TEF: variants seen among roughly 807,000 people sequenced by gnomAD.
TEF encodes TEF transcription factor, PAR bZIP family member.
TEF carries 3 observed loss-of-function variants against 20.8 expected under a neutral mutation model. That is an observed-to-expected ratio of 0.14 (90% CI 0.07 to 0.37). The LOEUF is 0.37. Among genes scored for constraint, TEF ranks in the 10% least tolerant of loss-of-function variants. The pLI is 1.00. For missense variants in TEF, 296 were observed against 397.9 expected (o/e 0.74, Z 2.18); for synonymous variants, 180 against 171.1 (o/e 1.05, Z -0.41).
intron 1 of TEF, among the ~76,000 whole-genome samples, chr22:41,370,805 G>A (rs563311467): frequency 2.0e-5 from 3 of 152,148 alleles, no homozygotes; most frequent in Non-Finnish European, 4.4e-5. Context: ...CCCAGCCCGT[G>A]TAGACCTTGC....
In TEF at chr22:41,387,494, C is replaced by G. The variant is rs1282320927; in HGVS notation, c.301C>G (p.Leu101Val). 8.1e-6 allele frequency: 13 copies of G among 1,614,206 alleles called. No individual in the cohort carries two copies. Among genetic ancestry groups the G allele is most frequent in the Non-Finnish European group, 1.1e-5 (13 of 1,180,046 alleles). Residue 101 changes from leucine (L) to valine (V), a missense_variant, in exon 2 of 4, where the codon CTG (leucine) becomes GTG (valine). Around this residue, in one of 2 missense-constraint regions of TEF, gnomAD observed 194 missense variants for 317.8 expected, o/e 0.61. Transcript: ENST00000266304. ...GESFHLEYMD[L>V]DEFLLENGIP... ...ATCTTTCCACCTGGAGTACATGGACCTGGATGAGTTCCTGCTGGAGAATGG... is the reference window on the plus strand; with the variant it reads ...ATCTTTCCACCTGGAGTACATGGACGTGGATGAGTTCCTGCTGGAGAATGG...
chr22:41,371,609 C>T (rs974852957), intron 1 of TEF, among the ~76,000 whole-genome samples: 2 of 152,248 alleles, frequency 1.3e-5, no homozygotes, highest in African/African-American at 2.4e-5. Flanking sequence ...CCGTGAGATG[C>T]TGTGCTGGTT....
rs2037239438 is a variant in TEF at position 41,397,115 on chromosome 22, C to T, written c.*1155C>T. ...CGGAGGGTGTCAGCAGGGCAAGACA[C>T]CTAGTCTAGAGTCACCAAGGTCACA... On this transcript the variant is annotated 3_prime_UTR_variant, in exon 4 of 4. Coordinates refer to ENST00000266304, the MANE Select transcript of TEF (RefSeq NM_003216.4). 1 of 398,570 alleles carries T rather than the reference C, an allele frequency of 2.5e-6. No homozygotes were observed. Among genetic ancestry groups the T allele is most frequent in the Non-Finnish European group, 4.4e-6 (1 of 226,132 alleles). 24.7% of individuals were successfully genotyped at this position (398,570 alleles called of 1,614,324 possible).
intron 1 of TEF, 99 bp downstream of exon 1, chr22:41,382,300 A>C: frequency 1.1e-6 from 1 of 943,906 alleles, no homozygotes; most frequent in Non-Finnish European, 1.3e-6. Context: ...GTCAGGGAGC[A>C]GTGGTCCAGC....
upstream of TEF, among the ~76,000 whole-genome samples, chr22:41,381,705 G>A (rs1166246905): frequency 6.6e-6 from 1 of 152,016 alleles, no homozygotes. Flanking sequence ...GGGGACACAG[G>A]GGCGGCGGGG....
chr22:41,373,507 T>A (rs1262985296), intron 1 of TEF, among the ~76,000 whole-genome samples: 1 of 152,076 alleles, frequency 6.6e-6, no homozygotes, highest in East Asian at 1.9e-4. Context: ...TCTCACTCTG[T>A]CGCCCAGGCT....
At chr22:41,368,287 C>T (rs927205312) in intron 1 of TEF, among the ~76,000 whole-genome samples, 1 of 152,136 alleles carries the variant, frequency 6.6e-6, no homozygotes, top group African/African-American at 2.4e-5. Context: ...CTTCTGTTCC[C>T]AGAAGTCAGA....
rs1284209002 is a variant in TEF, at chr22:41,396,111, T to C, written c.*151T>C. On this transcript the variant is annotated 3_prime_UTR_variant, in exon 4 of 4. Coordinates refer to ENST00000266304, the MANE Select transcript of TEF (RefSeq NM_003216.4). ...AGGAGCGGCCACGTCTCAGCTTCAT[T>C]ATACCATGGCCTGCGCACGTGGCGA... 2.4e-6 allele frequency: 2 copies of C among 819,590 alleles called. No individual in the cohort carries two copies. Among genetic ancestry groups the C allele is most frequent in the Non-Finnish European group, 1.9e-6 (1 of 530,332 alleles). 50.8% of individuals were successfully genotyped at this position (819,590 alleles called of 1,614,324 possible). A position where few individuals can be genotyped will look rare whatever the true frequency, so the allele number is the denominator to read the frequency against.
chr22:41,388,778 G>C (rs1391816490), intron 2 of TEF, among the ~76,000 whole-genome samples: 2 of 152,038 alleles, frequency 1.3e-5, no homozygotes, highest in Non-Finnish European at 2.9e-5. Context: ...GAGGCATACA[G>C]GCTGATAGCT....
Position 41,396,051 on chromosome 22 carries a change from G to A in TEF, c.*91G>A. ...ACCCCTCACACGCGTGGAGACTTAT[G>A]ACTCGTCGTGGGCGCATGGCGGCGC... On this transcript the variant is annotated 3_prime_UTR_variant, in exon 4 of 4. Coordinates refer to ENST00000266304, the MANE Select transcript of TEF (RefSeq NM_003216.4). 7.2e-7 allele frequency: 1 copy of A among 1,395,092 alleles called. No homozygotes were observed. The highest frequency in any genetic ancestry group is 9.8e-7 in the Non-Finnish European group (1 of 1,021,274). 86.4% of individuals were successfully genotyped at this position (1,395,092 alleles called of 1,614,324 possible).
At chr22:41,384,421 G>A (rs1442599817) in intron 1 of TEF, among the ~76,000 whole-genome samples, 1 of 152,012 alleles carries the variant, frequency 6.6e-6, no homozygotes, top group Non-Finnish European at 1.5e-5. Context: ...GTTTTCCTTT[G>A]AATAGGAGCA....
At chr22:41,375,037 T>A (rs565798727) in intron 1 of TEF, among the ~76,000 whole-genome samples, 1 of 152,310 alleles carries the variant, frequency 6.6e-6, no homozygotes, top group East Asian at 1.9e-4. Context: ...GGCCCACCTC[T>A]GTCCCCTCCA....
rs2036943579 is a variant in TEF, at chr22:41,376,479, C to T, written c.67+8880C>T. 2.0e-5 allele frequency among the ~76,000 whole-genome samples: 3 copies of T among 152,210 alleles called. No homozygotes were observed. In the South Asian group the frequency reaches 6.2e-4, roughly 31 times the overall value. ...CTGGCCTTAAGTGAGCCATCCGCCT[C>T]GGCCTCCCAAAGTGGTGGGATTACA... On this transcript the variant is annotated intron_variant, in intron 1 of 3. Coordinates refer to the TEF transcript ENST00000406644.
chr22:41,376,396 C>T (rs1447915471), intron 1 of TEF, among the ~76,000 whole-genome samples: 1 of 152,138 alleles, frequency 6.6e-6, no homozygotes, highest in Non-Finnish European at 1.5e-5. Flanking sequence ...GCCACCATGC[C>T]CGGCTAGTTT....
upstream of TEF, among the ~76,000 whole-genome samples, chr22:41,381,531 C>G (rs1438710932): frequency 6.6e-6 from 1 of 152,184 alleles, no homozygotes; most frequent in Non-Finnish European, 1.5e-5. Context: ...CGCCCCTCTT[C>G]GGTGGCGCGT....
At chr22:41,385,792 C>G (rs1380812830) in intron 1 of TEF, among the ~76,000 whole-genome samples, 1 of 152,162 alleles carries the variant, frequency 6.6e-6, no homozygotes, top group African/African-American at 2.4e-5. Context: ...TCAAGTGATT[C>G]TCCTGTCTCA....
chr22:41,368,787 G>A (rs1459515326), intron 1 of TEF, among the ~76,000 whole-genome samples: 1 of 152,180 alleles, frequency 6.6e-6, no homozygotes, highest in Non-Finnish European at 1.5e-5. Context: ...CCTCTGAGAA[G>A]AGTGTCACAG....
chr22:41,378,165 C>CTTT (rs1227353344), upstream of TEF, among the ~76,000 whole-genome samples: 24 of 89,436 alleles, frequency 2.7e-4, no homozygotes, highest in African/African-American at 5.9e-4. Context: ...CCTTAGCTTC[C>CTTT]TTTTTTTTTT....
At chr22:41,393,370 T>G (rs1319485687) in intron 2 of TEF, among the ~76,000 whole-genome samples, 1 of 151,628 alleles carries the variant, frequency 6.6e-6, no homozygotes. Flanking sequence ...TGGAACCCAT[T>G]TCCATTCTTC....
Sources: allele counts gnomAD v4.1 joint callset (sites outside exome capture counted in the v4.1 genomes callset), GRCh38; gene constraint gnomAD v4.1.1; regional missense constraint gnomAD v4.1.1; transcripts MANE v1.5; gene names NCBI Gene and HGNC (gene_info 2026-07-23, HGNC 2026-07-21).